Variants in SLC9A6 observed in about 807,000 individuals in gnomAD.
SLC9A6 encodes solute carrier family 9 member A6, also known as sodium/hydrogen exchanger 6.
A neutral mutation model predicts 45.3 loss-of-function variants in SLC9A6; 6 were observed. That is an observed-to-expected ratio of 0.13 (90% CI 0.07 to 0.26). SLC9A6 has a LOEUF of 0.26. Among genes scored for constraint, SLC9A6 ranks in the 10% least tolerant of loss-of-function variants. SLC9A6 has a pLI of 1.00. For synonymous variants in SLC9A6, 191 were observed against 187.7 expected (o/e 1.02, Z -0.14); for missense variants, 278 against 503.7 (o/e 0.55, Z 4.29).
At chrX:136,013,187 G>A (rs1238563291) in intron 9 of SLC9A6, 133 bp downstream of exon 9, 18 of 696,094 alleles carry the variant, frequency 2.6e-5, no homozygotes, top group Non-Finnish European at 3.9e-5. Flanking sequence ...TGTTGCTTTA[G>A]AACATAAAAA....
upstream of SLC9A6, among the ~76,000 whole-genome samples, chrX:135,974,448 G>T (rs1401723298): frequency 1.6e-5 from 1 of 63,198 alleles, no homozygotes; most frequent in Non-Finnish European, 3.0e-5. Flanking sequence ...GACCGAGGGG[G>T]CGCGGAGGAG....
At chrX:136,033,302 G>A in intron 15 of SLC9A6, 112 bp from the exon 16 acceptor site, 1 of 466,293 alleles carries the variant, frequency 2.1e-6, no homozygotes, top group Non-Finnish European at 3.8e-6. Context: ...TACCCTTGTT[G>A]GAGAGTGTCT....
At chrX:136,004,189 A>G (rs781849894) in intron 7 of SLC9A6, among the ~76,000 whole-genome samples, 156 of 105,338 alleles carry the variant, frequency 1.5e-3, no homozygotes, top group African/African-American at 4.9e-3. Context: ...CCCAGGTTCA[A>G]GCAATTCTCC....
chrX:136,024,437 G>A lies in SLC9A6; in HGVS notation c.1414G>A (p.Val472Ile). The A allele has an allele frequency of 8.3e-7, 1 of 1,210,453 alleles. No homozygotes were observed. The highest frequency in any genetic ancestry group is 3.0e-5 in the East Asian group (1 of 33,845). The change falls in exon 13 of 18, where the codon GTA becomes ATA. Residue 472 changes from valine (V) to isoleucine (I), a missense_variant. By Grantham distance (29) the Val-to-Ile change is conservative (BLOSUM62 3). Around this residue, in one of 5 missense-constraint regions of SLC9A6, gnomAD observed 15 missense variants for 58.1 expected, o/e 0.26. Coordinates refer to ENST00000630721, the MANE Select transcript of SLC9A6 (RefSeq NM_001379110.1). ...TCTGATTGTGTTTTTTACCGTGTGG[G>A]TATTTGGTGGTGGCACCACTGCAAT... ...TLLIVFFTVW[V>I]FGGGTTAMLS...
intron 10 of SLC9A6, 128 bp downstream of exon 10, chrX:136,013,565 TC>T: frequency 2.2e-6 from 1 of 460,271 alleles, no homozygotes; most frequent in Non-Finnish European, 3.7e-6. Context: ...TGGCTCCTCT[TC>T]CTTTGACTCT....
At chrX:136,032,217 G>C (rs1050725427) in intron 15 of SLC9A6, among the ~76,000 whole-genome samples, 1 of 112,068 alleles carries the variant, frequency 8.9e-6, no homozygotes, top group Non-Finnish European at 1.9e-5. Context: ...ATAGGTGCCT[G>C]CCACCACGCC....
chrX:136,013,132 G>T, intron 9 of SLC9A6, 78 bp downstream of exon 9: 1 of 762,079 alleles, frequency 1.3e-6, no homozygotes, highest in Non-Finnish European at 2.1e-6. Flanking sequence ...AAGTGGATCA[G>T]CTCCGTTAGT....
chrX:136,009,986 T>C (rs1298083535), intron 7 of SLC9A6: 1 of 120,468 alleles, frequency 8.3e-6, no homozygotes, highest in African/African-American at 3.2e-5. Context: ...TTTTTTCTCA[T>C]AGGAAAAACA....
At chrX:136,025,930 A>G (rs1340075225) in intron 13 of SLC9A6, among the ~76,000 whole-genome samples, 1 of 111,726 alleles carries the variant, frequency 9.0e-6, no homozygotes, top group Admixed American at 9.5e-5. Context: ...CCTAAGGATA[A>G]CAAAATTAAA....
At chrX:136,040,206 A>G (rs1346739256) in intron 17 of SLC9A6, 25 bp downstream of exon 17, 1 of 1,063,418 alleles carries the variant, frequency 9.4e-7, no homozygotes, top group African/African-American at 1.8e-5. Context: ...TCCAAAACTA[A>G]ATTCTTCAGT....
At chrX:135,975,640 G>A (rs1369368809) in intron 1 of SLC9A6, among the ~76,000 whole-genome samples, 3 of 112,074 alleles carry the variant, frequency 2.7e-5, no homozygotes, top group Non-Finnish European at 5.6e-5. Context: ...AATGAATTCC[G>A]GAAAATAATT....
At chrX:135,985,133 A>T, upstream of SLC9A6, 1 of 150,203 alleles carries the variant, frequency 6.7e-6, no homozygotes, top group Non-Finnish European at 1.3e-5. Flanking sequence ...CGATATTGAG[A>T]TGGGTTATGA....
At chrX:135,995,056 A>ACTACTTAACCTCAATC in intron 3 of SLC9A6, 71 bp downstream of exon 3, 1 of 671,586 alleles carries the variant, frequency 1.5e-6, no homozygotes. Flanking sequence ...AGGAGAAAAT[A>ACTACTTAACCTCAATC]AGTAATGGAT....
intron 11 of SLC9A6, among the ~76,000 whole-genome samples, chrX:136,021,950 G>A (rs782792471): frequency 4.0e-4 from 45 of 112,003 alleles, no homozygotes; most frequent in Non-Finnish European, 7.3e-4. Flanking sequence ...ACAGCAAACT[G>A]GAGAAAAAGA....
chrX:136,023,287 T>C (rs1316135135), intron 12 of SLC9A6, among the ~76,000 whole-genome samples: 1 of 90,681 alleles, frequency 1.1e-5, no homozygotes, highest in Admixed American at 1.3e-4. Flanking sequence ...TTCAGAATTA[T>C]GTCATACAAA....
chrX:136,007,305 T>C (rs1278949646), intron 7 of SLC9A6, among the ~76,000 whole-genome samples: 1 of 110,092 alleles, frequency 9.1e-6, no homozygotes, highest in Non-Finnish European at 1.9e-5. Context: ...GGGTTCCTAT[T>C]GACATGGCCT....
chrX:136,040,348 A>G (rs782574155), intron 17 of SLC9A6, among the ~76,000 whole-genome samples, 167 bp downstream of exon 17: 24 of 112,409 alleles, frequency 2.1e-4, no homozygotes, highest in Non-Finnish European at 3.8e-4. Context: ...ATACACTGAA[A>G]CCTATAAATA....
upstream of SLC9A6, among the ~76,000 whole-genome samples, chrX:135,974,466 G>T (rs374507110): frequency 2.2e-3 from 157 of 69,882 alleles, 6 homozygotes; most frequent in East Asian, 0.069. Flanking sequence ...GAGTGGGACC[G>T]AGGGGGCGGG....
Position 136,005,492 on chromosome X carries a change from C to T in SLC9A6, c.743+3279C>T, listed in dbSNP as rs1454418560. On this transcript the variant is annotated intron_variant, in intron 7 of 17. Coordinates refer to ENST00000630721, the MANE Select transcript of SLC9A6 (RefSeq NM_001379110.1). ...GGTCAGGAGTTCGAGACCAGCCTGGCCAACATGGCAAAACCCTGTCTCTAC... is the reference window on the plus strand; with the variant it reads ...GGTCAGGAGTTCGAGACCAGCCTGGTCAACATGGCAAAACCCTGTCTCTAC... Among the ~76,000 whole-genome samples, 6 of 112,049 alleles carry T rather than the reference C, an allele frequency of 5.4e-5. No homozygotes were observed. In the Admixed American group the frequency reaches 5.7e-4, roughly 11 times the overall value.
Sources: allele counts gnomAD v4.1 joint callset (sites outside exome capture counted in the v4.1 genomes callset), GRCh38; gene constraint gnomAD v4.1.1; regional missense constraint gnomAD v4.1.1; transcripts MANE v1.5; gene names NCBI Gene and HGNC (gene_info 2026-07-23, HGNC 2026-07-21).